Variants in BBS9 observed in about 807,000 individuals in gnomAD.
BBS9 encodes protein PTHB1.
In BBS9, 89 loss-of-function variants were observed where a neutral mutation model predicts 117.7. That is an observed-to-expected ratio of 0.76 (90% confidence interval 0.64 to 0.90). BBS9 has a LOEUF of 0.90. Ranked by LOEUF, BBS9 falls within the 40% of genes least tolerant of loss-of-function variation. The pLI is 0.00. For missense variants in BBS9, 982 were observed against 1,042.2 expected, an observed-to-expected ratio of 0.94 and a Z score of 0.80; for synonymous variants, 379 against 370.9, an observed-to-expected ratio of 1.02 and a Z score of -0.25.
At chr7:33,507,585 A>G (rs983395523) in intron 20 of BBS9, among the ~76,000 whole-genome samples, 18 of 152,106 alleles carry the variant, frequency 1.2e-4, no homozygotes, top group Admixed American at 4.6e-4. Context: ...CATCTTCACA[A>G]CTACACTTAA....
At chr7:33,456,136 CAG>C (rs1838629247) in intron 19 of BBS9, among the ~76,000 whole-genome samples, 1 of 152,088 alleles carries the variant, frequency 6.6e-6, no homozygotes. Flanking sequence ...ATAGAAATAA[CAG>C]ATATTTTTAT....
intron 1 of BBS9, among the ~76,000 whole-genome samples, chr7:33,131,626 G>T (rs1445252202): frequency 6.6e-6 from 1 of 152,106 alleles, no homozygotes; most frequent in Non-Finnish European, 1.5e-5. Flanking sequence ...TCTGTTTCCA[G>T]AACTGACCTT....
At chr7:33,514,190 GA>G (rs1178129266) in intron 20 of BBS9, among the ~76,000 whole-genome samples, 2 of 152,302 alleles carry the variant, frequency 1.3e-5, no homozygotes, top group Non-Finnish European at 1.5e-5. Context: ...GCAAGTGGTG[GA>G]ACTCACGGAG....
chr7:33,564,476 A>G (rs1856558597), intron 21 of BBS9, among the ~76,000 whole-genome samples: 1 of 152,212 alleles, frequency 6.6e-6, no homozygotes, highest in Non-Finnish European at 1.5e-5. Context: ...CTGAGACCAT[A>G]GTAGTGTTGT....
At chr7:33,485,548 A>T (rs1044063398) in intron 19 of BBS9, among the ~76,000 whole-genome samples, 1 of 152,016 alleles carries the variant, frequency 6.6e-6, no homozygotes, top group Non-Finnish European at 1.5e-5. Context: ...TGACCTCGTG[A>T]TCCACCTGCC....
intron 5 of BBS9, among the ~76,000 whole-genome samples, chr7:33,223,158 C>T (rs1380429797): frequency 6.6e-6 from 1 of 150,952 alleles, no homozygotes; most frequent in Non-Finnish European, 1.5e-5. Context: ...ATATTTCTAC[C>T]CCAAATTAAT....
intron 9 of BBS9, among the ~76,000 whole-genome samples, chr7:33,305,988 G>A (rs984578767): frequency 4.6e-5 from 7 of 151,950 alleles, no homozygotes; most frequent in South Asian, 2.1e-4. Context: ...TTTAAAATGC[G>A]TTGTGAGGTT....
At chr7:33,596,391 C>CTATCTATA (rs968148294) in intron 21 of BBS9, among the ~76,000 whole-genome samples, 2,038 of 150,516 alleles carry the variant, frequency 0.014, 50 homozygotes, top group African/African-American at 0.041. Context: ...ATCTATCTAT[C>CTATCTATA]TATATATAAT....
intron 2 of BBS9, among the ~76,000 whole-genome samples, chr7:33,148,495 T>C (rs552397198): frequency 6.6e-6 from 1 of 152,134 alleles, no homozygotes; most frequent in Non-Finnish European, 1.5e-5. Context: ...CCCAAGTAGC[T>C]GGGATTACAG....
chr7:33,207,539 T>C (rs1787159532), intron 5 of BBS9, among the ~76,000 whole-genome samples: 2 of 151,442 alleles, frequency 1.3e-5, no homozygotes, highest in Admixed American at 6.6e-5. Flanking sequence ...ATGTCTTCTT[T>C]TTTTTTTTTT....
intron 21 of BBS9, among the ~76,000 whole-genome samples, chr7:33,618,799 G>A (rs1325894571): frequency 5.9e-5 from 9 of 152,042 alleles, no homozygotes; most frequent in African/African-American, 2.2e-4. Flanking sequence ...TTATAACTAT[G>A]AGATGTTTTA....
chr7:33,407,587 G>A (rs892854402), intron 19 of BBS9, among the ~76,000 whole-genome samples: 2 of 148,994 alleles, frequency 1.3e-5, no homozygotes, highest in Non-Finnish European at 3.0e-5. Flanking sequence ...GGTCTTTGAT[G>A]ATGGTGATGT....
chr7:33,369,696 T>C (rs1403208766), intron 17 of BBS9, among the ~76,000 whole-genome samples: 1 of 152,032 alleles, frequency 6.6e-6, no homozygotes, highest in Non-Finnish European at 1.5e-5. Flanking sequence ...ATAAGGAGAG[T>C]GTACTTTTCT....
intron 19 of BBS9, among the ~76,000 whole-genome samples, chr7:33,457,707 T>C (rs1191421914): frequency 1.3e-5 from 2 of 152,170 alleles, no homozygotes; most frequent in African/African-American, 4.8e-5. Flanking sequence ...GGTTAGTTTG[T>C]CTGGAAGCAT....
intron 18 of BBS9, among the ~76,000 whole-genome samples, chr7:33,387,400 A>T (rs927070069): frequency 6.6e-6 from 1 of 152,146 alleles, no homozygotes; most frequent in African/African-American, 2.4e-5. Flanking sequence ...CTTTCTAGAT[A>T]TGGGCATGAC....
chr7:33,298,891 C>T (rs1251211212), intron 9 of BBS9, among the ~76,000 whole-genome samples: 6 of 152,152 alleles, frequency 3.9e-5, no homozygotes, highest in African/African-American at 1.4e-4. Context: ...AGGAACAAGT[C>T]ACGCTTTTCT....
intron 21 of BBS9, among the ~76,000 whole-genome samples, chr7:33,535,197 C>T (rs545755149): frequency 4.7e-4 from 72 of 152,248 alleles, no homozygotes; most frequent in African/African-American, 1.6e-3. Context: ...ACTTATATGA[C>T]CCTGAGTATG....
chr7:33,265,290 G>A (rs1421040039), intron 7 of BBS9, among the ~76,000 whole-genome samples: 1 of 152,078 alleles, frequency 6.6e-6, no homozygotes, highest in Non-Finnish European at 1.5e-5. Flanking sequence ...TAGAACAGAA[G>A]GGTAACTTGG....
At chr7:33,364,681 T>TC (rs1821322345) in intron 16 of BBS9, among the ~76,000 whole-genome samples, 1 of 76,640 alleles carries the variant, frequency 1.3e-5, no homozygotes, top group Non-Finnish European at 2.4e-5. Flanking sequence ...TCCCATCCTT[T>TC]CCCCCCTCCC....
Sources: allele counts gnomAD v4.1 joint callset (sites outside exome capture counted in the v4.1 genomes callset), GRCh38; gene constraint gnomAD v4.1.1; transcripts MANE v1.5; gene names NCBI Gene and HGNC (gene_info 2026-07-23, HGNC 2026-07-21).